Variants in SCCPDH observed in about 807,000 individuals in gnomAD.
SCCPDH encodes saccharopine dehydrogenase-like oxidoreductase.
SCCPDH carries 34 observed loss-of-function variants against 51.5 expected under a neutral mutation model. The observed-to-expected ratio is 0.66, with a 90% CI of 0.50 to 0.88. SCCPDH has a LOEUF of 0.88. Among genes scored for constraint, SCCPDH ranks in the 40% least tolerant of loss-of-function variants. The pLI is 0.00. For synonymous variants in SCCPDH, 187 were observed against 191.3 expected (o/e 0.98, Z 0.19); for missense variants, 464 against 527.1 (o/e 0.88, Z 1.17).
chr1:246,749,165 C>T (rs955634255), intron 5 of SCCPDH, among the ~76,000 whole-genome samples: 1 of 152,176 alleles, frequency 6.6e-6, no homozygotes, highest in Non-Finnish European at 1.5e-5. Context: ...ACAGCTCATG[C>T]CCAGTCATGA....
chr1:246,727,145 G>T, intron 2 of SCCPDH, 141 bp downstream of exon 2: 1 of 654,396 alleles, frequency 1.5e-6, no homozygotes. Context: ...CTTCTTGCGA[G>T]GAGCAGCTGG....
intron 5 of SCCPDH, chr1:246,755,465 T>C (rs7550482): frequency 0.88 from 134,296 of 152,244 alleles, 60,305 homozygotes; most frequent in Non-Finnish European, 0.97. Flanking sequence ...TTTTCTTTTC[T>C]TTTTACAAAT....
chr1:246,744,314 TTTTA>T (rs1161028789), intron 5 of SCCPDH, among the ~76,000 whole-genome samples, 189 bp downstream of exon 5: 2 of 151,910 alleles, frequency 1.3e-5, no homozygotes, highest in East Asian at 3.9e-4. Flanking sequence ...TTTTATTTTA[TTTTA>T]TTTATTTATT....
rs1320417149 is a variant in SCCPDH, at chr1:246,736,000, T to C, written c.329T>C (p.Ile110Thr). Residue 110 changes from isoleucine (I) to threonine (T), a missense_variant, in exon 3 of 12, where the codon ATA becomes ACA. Ile to Thr is a moderately conservative substitution (Grantham distance 89). Transcript: ENST00000366510. ...TATCGGTTTTATGGAGAACCTGTAA[T>C]AAAAGCATGTATTGAAAATGGAGCC... Reference protein sequence around the residue: ...GPYRFYGEPVIKACIENGASC... With the variant: ...GPYRFYGEPVTKACIENGASC... 3 of 1,612,582 alleles carry C rather than the reference T, an allele frequency of 1.9e-6. No individual in the cohort carries two copies. Among genetic ancestry groups the C allele is most frequent in the Admixed American group, 1.7e-5 (1 of 59,964 alleles).
At chr1:246,761,923 A>G (rs1313752023) in intron 9 of SCCPDH, among the ~76,000 whole-genome samples, 1 of 152,248 alleles carries the variant, frequency 6.6e-6, no homozygotes, top group Non-Finnish European at 1.5e-5. Context: ...ATGGAATGCT[A>G]GACCGTATGT....
chr1:246,747,749 G>A (rs1463730045), intron 5 of SCCPDH, among the ~76,000 whole-genome samples: 1 of 152,076 alleles, frequency 6.6e-6, no homozygotes, highest in African/African-American at 2.4e-5. Context: ...AGAGAGCAGG[G>A]GTACGAGGAA....
Position 246,758,290 on chromosome 1 carries a change from T to G in SCCPDH, c.629T>G (p.Leu210Trp). ...AIYGFGDQSN[L>W]RKLRNVSNLK... Reference sequence around the variant, plus strand: ...TATGGTTTTGGAGATCAGAGTAATTTGAGAAAACTAAGAAATGTATCAAAT... The same window carrying G: ...TATGGTTTTGGAGATCAGAGTAATTGGAGAAAACTAAGAAATGTATCAAAT... Residue 210 changes from leucine to tryptophan, a missense_variant, in exon 6 of 12, where the codon TTG becomes TGG. Physicochemically the swap from Leu to Trp is moderately conservative, Grantham distance 61 (BLOSUM62 -2). Transcript: ENST00000366510. 6.2e-7 allele frequency: 1 copy of G among 1,611,132 alleles called. No individual in the cohort carries two copies. The highest frequency in any genetic ancestry group is 8.5e-7 in the Non-Finnish European group (1 of 1,178,394).
chr1:246,738,047 T>G (rs1330086811), intron 3 of SCCPDH, among the ~76,000 whole-genome samples: 1 of 152,040 alleles, frequency 6.6e-6, no homozygotes, highest in African/African-American at 2.4e-5. Context: ...AATACAAAAA[T>G]CAGCCAAGCA....
intron 1 of SCCPDH, among the ~76,000 whole-genome samples, chr1:246,725,718 C>T (rs1021579364): frequency 1.3e-5 from 2 of 152,192 alleles, no homozygotes; most frequent in African/African-American, 4.8e-5. Context: ...AGTAATTTTA[C>T]TATGAAAATA....
intron 5 of SCCPDH, among the ~76,000 whole-genome samples, chr1:246,744,358 G>A (rs541766006): frequency 2.2e-4 from 34 of 151,630 alleles, no homozygotes; most frequent in South Asian, 8.3e-4. Context: ...CGCTCTTGTC[G>A]CCCAGGCTGG....
intron 2 of SCCPDH, among the ~76,000 whole-genome samples, chr1:246,728,451 A>C (rs1668435768): frequency 6.6e-6 from 1 of 152,074 alleles, no homozygotes; most frequent in Admixed American, 6.6e-5. Context: ...CCTGCTCTTC[A>C]CCTGAACATG....
At chr1:246,730,315 C>T (rs1000588810) in intron 2 of SCCPDH, among the ~76,000 whole-genome samples, 19 of 152,220 alleles carry the variant, frequency 1.2e-4, no homozygotes, top group East Asian at 3.9e-4. Context: ...TCAGCTTCTA[C>T]GTTGTCATCT....
chr1:246,761,478 GC>G (rs1669012378), intron 9 of SCCPDH, among the ~76,000 whole-genome samples: 1 of 152,156 alleles, frequency 6.6e-6, no homozygotes, highest in African/African-American at 2.4e-5. Context: ...TTTTTGTGCA[GC>G]CATCACCACC....
chr1:246,755,476 C>G (rs139931726), intron 5 of SCCPDH: 285 of 152,300 alleles, frequency 1.9e-3, no homozygotes, highest in African/African-American at 6.6e-3. Context: ...TTTTACAAAT[C>G]CACTTTTACT....
chr1:246,754,595 C>T (rs1434030398), intron 5 of SCCPDH, among the ~76,000 whole-genome samples: 1 of 152,204 alleles, frequency 6.6e-6, no homozygotes, highest in East Asian at 1.9e-4. Flanking sequence ...CTCACGTCTC[C>T]AGCAGTCGAG....
intron 4 of SCCPDH, among the ~76,000 whole-genome samples, chr1:246,743,000 CAG>C (rs1174422720): frequency 6.6e-6 from 1 of 152,082 alleles, no homozygotes; most frequent in African/African-American, 2.4e-5. Flanking sequence ...TATGCTATCA[CAG>C]AGGGTGTTTT....
intron 5 of SCCPDH, among the ~76,000 whole-genome samples, chr1:246,747,676 T>G (rs554219577): frequency 6.6e-4 from 95 of 144,614 alleles, no homozygotes; most frequent in African/African-American, 2.3e-3. Flanking sequence ...CCTACTGCTG[T>G]GTCATTCCCC....
intron 4 of SCCPDH, among the ~76,000 whole-genome samples, chr1:246,742,001 G>A (rs1242265156): frequency 1.3e-5 from 2 of 152,198 alleles, no homozygotes; most frequent in Admixed American, 6.5e-5. Flanking sequence ...CCCCGGAGGC[G>A]GAGGTTGCAG....
rs753356151 is a variant in SCCPDH, at chr1:246,767,187, T to C, written c.1185-8T>C. ...AGTGCACTGTTTTCTCTTGTTATTGTTTTATAGGGGCGGGGTCTTCACACC... is the reference window on the plus strand; with the variant it reads ...AGTGCACTGTTTTCTCTTGTTATTGCTTTATAGGGGCGGGGTCTTCACACC... On this transcript the variant is annotated splice_region_variant and splice_polypyrimidine_tract_variant and intron_variant, in intron 11 of 11. Transcript: ENST00000366510. 1.3e-5 allele frequency: 21 copies of C among 1,596,550 alleles called. No individual in the cohort carries two copies. The African/African-American group carries it at 2.2e-4, about 16-fold the overall frequency.
Sources: gnomAD v4.1 joint callset for allele counts (sites outside exome capture counted in the v4.1 genomes callset) on GRCh38, gnomAD v4.1.1 for gene constraint, MANE v1.5 for transcripts, NCBI Gene and HGNC (gene_info 2026-07-23, HGNC 2026-07-21) for gene names.